Variants in RNF135 observed in about 807,000 individuals in gnomAD.
RNF135 encodes the protein ring finger protein 135.
Under a neutral mutation model 41.9 loss-of-function variants are expected in RNF135, and 46 were observed. That is an observed-to-expected ratio of 1.10 (90% CI 0.87 to 1.40). RNF135 has a LOEUF of 1.40. RNF135 is among the 40% of genes most tolerant of loss of function. The pLI is 0.00. For synonymous variants in RNF135, 238 were observed against 223.8 expected, an observed-to-expected ratio of 1.06 and a Z score of -0.57; for missense variants, 539 against 549.8, an observed-to-expected ratio of 0.98 and a Z score of 0.20.
At chr17:30,994,687 G>A (rs1908218920) in intron 3 of RNF135, among the ~76,000 whole-genome samples, 1 of 149,898 alleles carries the variant, frequency 6.7e-6, no homozygotes, top group African/African-American at 2.4e-5. Flanking sequence ...AGGCTGGAGT[G>A]CAATGGCATG....
chr17:30,966,383 GTTTTATTTTATTATTTTTTTA>G (rs1353735346), upstream of RNF135, among the ~76,000 whole-genome samples: 1 of 146,632 alleles, frequency 6.8e-6, no homozygotes, highest in Non-Finnish European at 1.5e-5. Context: ...TAATTTTTAA[GTTTTATTTTATTATTTTTTTA>G]TTTTATTTTA....
At chr17:30,974,581 C>A (rs1906268933) in intron 1 of RNF135, among the ~76,000 whole-genome samples, 1 of 150,706 alleles carries the variant, frequency 6.6e-6, no homozygotes. Context: ...GTCTATAATT[C>A]CTTCAGTGAT....
chr17:30,989,525 T>C (rs1160257308), intron 3 of RNF135, among the ~76,000 whole-genome samples: 1 of 152,174 alleles, frequency 6.6e-6, no homozygotes, highest in Non-Finnish European at 1.5e-5. Flanking sequence ...TATTGAAAAA[T>C]AACTAACACC....
the RNF135 span, among the ~76,000 whole-genome samples, chr17:30,964,766 C>A: frequency 6.6e-6 from 1 of 151,516 alleles, no homozygotes; most frequent in Non-Finnish European, 1.5e-5. Context: ...CTCACTGCAA[C>A]CTCCACCTCC....
At chr17:30,972,534 A>G (rs1906083795) in intron 1 of RNF135, 1 of 152,338 alleles carries the variant, frequency 6.6e-6, no homozygotes, top group South Asian at 2.1e-4. Context: ...GTACTCATTA[A>G]GCAGTAACTC....
chr17:30,970,176 G>A (rs1905771228), upstream of RNF135: 1 of 147,842 alleles, frequency 6.8e-6, no homozygotes, highest in African/African-American at 2.7e-5. Flanking sequence ...GAGCCTGCAA[G>A]TTTTTCTTTT....
chr17:30,963,275 G>A, the RNF135 span, among the ~76,000 whole-genome samples: 5 of 151,478 alleles, frequency 3.3e-5, no homozygotes, highest in African/African-American at 1.2e-4. Flanking sequence ...TGCCCTGCTT[G>A]CCTTTTTAAA....
rs9675342 is a variant in RNF135, at chr17:30,981,048, A to G, written c.373-3569A>G. ...GGTTGTAGCGAGCCGAGATCACGCC[A>G]CTGCACTCCAGCCTGGGCACCATTG... On this transcript the variant is annotated intron_variant, in intron 1 of 4. Transcript: ENST00000328381. Among the ~76,000 whole-genome samples, 170 of 146,298 alleles carry G rather than the reference A, an allele frequency of 1.2e-3. 1 individual carries two copies. The highest frequency in any genetic ancestry group is 1.4e-3 in the East Asian group (7 of 4,952).
At chr17:30,963,584 A>AT in the RNF135 span, among the ~76,000 whole-genome samples, 1 of 151,584 alleles carries the variant, frequency 6.6e-6, no homozygotes, top group African/African-American at 2.4e-5. Context: ...AAGAAAAAAA[A>AT]AATTGGGTGG....
At chr17:30,975,540 A>G in intron 1 of RNF135, 1 of 780,446 alleles carries the variant, frequency 1.3e-6, no homozygotes, top group Non-Finnish European at 2.4e-6. Context: ...ATGGCCTCGA[A>G]AATAGACATA....
chr17:30,984,553 G>T, intron 1 of RNF135, 64 bp from the exon 2 acceptor site: 1 of 1,554,698 alleles, frequency 6.4e-7, no homozygotes, highest in Non-Finnish European at 8.9e-7. Context: ...GATTCCCTCT[G>T]TCTAGTGGTG....
the RNF135 span, chr17:30,959,505 G>A: frequency 9.8e-5 from 15 of 152,392 alleles, no homozygotes; most frequent in Non-Finnish European, 1.8e-4. Flanking sequence ...AAGAGTAGAA[G>A]ATAGTTGGGT....
chr17:30,977,921 C>T (rs1221435354), intron 1 of RNF135, among the ~76,000 whole-genome samples: 1 of 152,174 alleles, frequency 6.6e-6, no homozygotes, highest in East Asian at 1.9e-4. Flanking sequence ...TAGGACAGGT[C>T]TGGTGTTGAT....
intron 1 of RNF135, 27 bp from the exon 2 acceptor site, chr17:30,984,590 C>G: frequency 6.2e-7 from 1 of 1,613,958 alleles, no homozygotes. Context: ...TTATAGAACC[C>G]AGGACCTGAA....
chr17:30,990,690 A>C (rs1027965751), intron 3 of RNF135, among the ~76,000 whole-genome samples: 1 of 152,026 alleles, frequency 6.6e-6, no homozygotes, highest in African/African-American at 2.4e-5. Flanking sequence ...TTATATTTTT[A>C]TTTCTCCCAA....
rs145628722 is a variant in RNF135 at position 30,974,948 on chromosome 17, G to C, written c.372+3503G>C. ...CTGCCTCGGCCTCCCAAAGTGCTGG[G>C]ATTACAGGCATGAGCCACTGTGCCA... On this transcript the variant is annotated intron_variant, in intron 1 of 4. Coordinates refer to ENST00000328381, the MANE Select transcript of RNF135 (RefSeq NM_032322.4). Among the ~76,000 whole-genome samples, 150 of 152,090 alleles carry C rather than the reference G, an allele frequency of 9.9e-4. 3 individuals carry two copies. In the East Asian group the frequency reaches 0.026, roughly 27 times the overall value.
chr17:30,987,279 A>G (rs1045770036), intron 2 of RNF135, among the ~76,000 whole-genome samples: 3 of 150,924 alleles, frequency 2.0e-5, no homozygotes, highest in Admixed American at 6.6e-5. Flanking sequence ...CCCAGGTTGT[A>G]GTGCAGTGGC....
intron 1 of RNF135, among the ~76,000 whole-genome samples, chr17:30,977,332 A>G (rs560454382): frequency 6.6e-6 from 1 of 152,010 alleles, no homozygotes; most frequent in South Asian, 2.1e-4. Flanking sequence ...GTTATTTTTT[A>G]TTGGTTTTCT....
rs1405869947 is a variant in RNF135 at position 30,997,177 on chromosome 17, TTTGG to T, written c.680-64_680-61del. The T allele has an allele frequency of 8.4e-4, 1,042 of 1,236,184 alleles. 3 individuals carry two copies. The African/African-American group carries it at 0.013, about 16-fold the overall frequency. The allele number at this position is 1,236,184 out of a possible 1,614,324, so 76.6% of individuals were successfully genotyped here. ...CCAGCCATGTGCCTTGACCATGATG[TTTGG>T]AGACCTTCAGTTTGCCTTTTTCTGA... On this transcript the variant is annotated intron_variant, in intron 3 of 4. Transcript: ENST00000328381.
Sources: gnomAD v4.1 joint callset for allele counts (sites outside exome capture counted in the v4.1 genomes callset) on GRCh38, gnomAD v4.1.1 for gene constraint, MANE v1.5 for transcripts, NCBI Gene and HGNC (gene_info 2026-07-23, HGNC 2026-07-21) for gene names.